HVCN1: variants seen among roughly 807,000 people sequenced by gnomAD.
HVCN1 encodes hydrogen voltage gated channel 1, also known as voltage-gated hydrogen channel 1.
Under a neutral mutation model 29.2 loss-of-function variants are expected in HVCN1, and 14 were observed. The ratio of observed to expected loss-of-function variants is 0.48; its 90% CI spans 0.32 to 0.75. The LOEUF (loss-of-function observed/expected upper bound fraction) is 0.75. Ranked by LOEUF, HVCN1 falls within the 30% of genes least tolerant of loss-of-function variation. The pLI is 0.04. For synonymous variants in HVCN1, 131 were observed against 133.2 expected (o/e 0.98, Z 0.11); for missense variants, 263 against 341.8 (o/e 0.77, Z 1.82).
intron 6 of HVCN1, 60 bp downstream of exon 6, chr12:110,651,157 C>G: frequency 7.7e-7 from 1 of 1,299,072 alleles, no homozygotes. Flanking sequence ...GCAGTCAGGC[C>G]TTGGATGTAT....
chr12:110,701,883 A>AAACAACAAC (rs376581552), intron 2 of HVCN1, among the ~76,000 whole-genome samples: 333 of 149,796 alleles, frequency 2.2e-3, no homozygotes, highest in African/African-American at 6.6e-3. Context: ...AACAAGAACA[A>AAACAACAAC]AACAACAACA....
chr12:110,652,411 A>G (rs2067843246), intron 5 of HVCN1, among the ~76,000 whole-genome samples: 1 of 152,204 alleles, frequency 6.6e-6, no homozygotes, highest in South Asian at 2.1e-4. Context: ...ATAAAATAAA[A>G]TAACCAGTCC....
In HVCN1 at chr12:110,653,413, A is replaced by G. The variant is rs117095284; in HGVS notation, c.411+1821T>C. On this transcript the variant is annotated intron_variant, in intron 5 of 7. Transcript: ENST00000242607. ...AGATCAAGACTACAGTGAGCTGTTA[A>G]GTGCTCCTGCACTCCAGCCTGGGTG... is the stretch of plus-strand genomic sequence containing the variant. Among the ~76,000 whole-genome samples the G allele has an allele frequency of 7.1e-3, 1,078 of 152,216 alleles. 1 individual carries two copies. Among genetic ancestry groups the G allele is most frequent in the Non-Finnish European group, 9.4e-3 (641 of 68,004 alleles).
At chr12:110,692,402 G>A (rs2069422446), upstream of HVCN1, among the ~76,000 whole-genome samples, 1 of 152,134 alleles carries the variant, frequency 6.6e-6, no homozygotes, top group African/African-American at 2.4e-5. Context: ...TCCCATTTTA[G>A]TTGGGAAAGT....
chr12:110,692,608 C>T (rs2069427058), upstream of HVCN1, among the ~76,000 whole-genome samples: 1 of 151,874 alleles, frequency 6.6e-6, no homozygotes, highest in Non-Finnish European at 1.5e-5. Context: ...CCTGTAGTCC[C>T]AGCTACTCAG....
rs1416891951 is a variant in HVCN1 at position 110,676,915 on chromosome 12, T to C, written c.21+6310A>G. The stretch of plus-strand genomic sequence containing the variant: ...TCGGGAACCCTGACACACTCCCTTA[T>C]TTAAAACTTTTGGCTGGGTGCAGTC... On this transcript the variant is annotated intron_variant, in intron 3 of 7. Transcript: ENST00000242607. The surrounding 1 kb of genome is among the most constrained non-coding windows in gnomAD (Gnocchi z 4.1). Among the ~76,000 whole-genome samples, 1 of 152,070 alleles carries C rather than the reference T, an allele frequency of 6.6e-6. No homozygotes were observed. Among genetic ancestry groups the C allele is most frequent in the Non-Finnish European group, 1.5e-5 (1 of 68,002 alleles).
chr12:110,692,514 G>A (rs1593549532), upstream of HVCN1, among the ~76,000 whole-genome samples: 1 of 152,140 alleles, frequency 6.6e-6, no homozygotes, highest in Non-Finnish European at 1.5e-5. Context: ...GAGCCCAGGA[G>A]TTCAAGATGA....
intron 2 of HVCN1, among the ~76,000 whole-genome samples, chr12:110,701,421 T>A (rs1175129701): frequency 6.6e-6 from 1 of 152,278 alleles, no homozygotes. Context: ...CAAATCAGAA[T>A]CTTGGGCAGT....
At chr12:110,650,342 T>G (rs2067744731) in intron 6 of HVCN1, 62 bp from the exon 7 acceptor site, 2 of 1,006,480 alleles carry the variant, frequency 2.0e-6, no homozygotes, top group Admixed American at 1.8e-5. Flanking sequence ...AGGAAAAAAA[T>G]CTGTATTCTT....
intron 6 of HVCN1, 139 bp downstream of exon 6, chr12:110,651,077 GA>G (rs1024810046): frequency 1.6e-6 from 1 of 631,182 alleles, no homozygotes; most frequent in African/African-American, 1.8e-5. Flanking sequence ...GGAGGAGAGG[GA>G]GGTGAGGGGG....
chr12:110,669,933 G>A (rs1302811029), intron 3 of HVCN1, among the ~76,000 whole-genome samples: 1 of 152,136 alleles, frequency 6.6e-6, no homozygotes, highest in Non-Finnish European at 1.5e-5. Flanking sequence ...GCACATGCCT[G>A]TAATCCCAGC....
intron 4 of HVCN1, among the ~76,000 whole-genome samples, chr12:110,657,070 A>G (rs2068014039): frequency 6.6e-6 from 1 of 152,258 alleles, no homozygotes; most frequent in East Asian, 1.9e-4. Flanking sequence ...AAGATCACAC[A>G]TTATATGATC....
chr12:110,674,140 G>A (rs1364440787), intron 3 of HVCN1, among the ~76,000 whole-genome samples: 1 of 152,242 alleles, frequency 6.6e-6, no homozygotes, highest in African/African-American at 2.4e-5. Context: ...GCATCAGCCT[G>A]ACCTGGATGT....
chr12:110,671,972 G>T (rs1409217232), intron 3 of HVCN1, among the ~76,000 whole-genome samples: 1 of 152,184 alleles, frequency 6.6e-6, no homozygotes, highest in Non-Finnish European at 1.5e-5. Context: ...AGGGAAGTGG[G>T]CACTCCTGTA....
intron 3 of HVCN1, among the ~76,000 whole-genome samples, chr12:110,662,168 G>A (rs1593461659): frequency 6.6e-6 from 1 of 152,176 alleles, no homozygotes; most frequent in Non-Finnish European, 1.5e-5. Flanking sequence ...TAAAGGAGAT[G>A]GGGTGGCCGT....
Position 110,670,925 on chromosome 12 carries a change from C to T in HVCN1, c.22-9477G>A, listed in dbSNP as rs1040676961. Among the ~76,000 whole-genome samples, 137 of 152,318 alleles carry T rather than the reference C, an allele frequency of 9.0e-4. 1 individual carries two copies. The highest frequency in any genetic ancestry group is 3.1e-3 in the African/African-American group (130 of 41,568). ...AGAGAAAAGGGGCCAGGCGCGGTAG[C>T]TCACGCCTGTAATCCCAGCACTTTG... is the stretch of plus-strand genomic sequence containing the variant. On this transcript the variant is annotated intron_variant, in intron 3 of 7. Transcript: ENST00000242607.
intron 1 of HVCN1, among the ~76,000 whole-genome samples, chr12:110,703,749 A>G (rs1760056480): frequency 6.6e-6 from 1 of 151,654 alleles, no homozygotes; most frequent in African/African-American, 2.4e-5. Context: ...CAATGGCATG[A>G]TCTCGGCTCA....
chr12:110,656,132 G>A (rs1368498030), intron 4 of HVCN1, among the ~76,000 whole-genome samples: 1 of 152,240 alleles, frequency 6.6e-6, no homozygotes, highest in Non-Finnish European at 1.5e-5. Flanking sequence ...GGGGACTGCT[G>A]ACTGCAGGTT....
At chr12:110,678,908 T>C (rs2068848036) in intron 3 of HVCN1, among the ~76,000 whole-genome samples, 1 of 152,170 alleles carries the variant, frequency 6.6e-6, no homozygotes, top group South Asian at 2.1e-4. Flanking sequence ...GTGACTTCAG[T>C]CATGTCAACC....
Sources: gnomAD v4.1 joint callset for allele counts (sites outside exome capture counted in the v4.1 genomes callset) on GRCh38, gnomAD v4.1.1 for gene constraint, Gnocchi (gnomAD v3.1) non-coding constraint, MANE v1.5 for transcripts, NCBI Gene and HGNC (gene_info 2026-07-23, HGNC 2026-07-21) for gene names.